NCS1: variants seen among roughly 807,000 people sequenced by gnomAD.
NCS1 encodes the protein neuronal calcium sensor 1, also known as frequenin homolog.
In NCS1, 6 loss-of-function variants were observed where a neutral mutation model predicts 28.4. The ratio of observed to expected loss-of-function variants is 0.21; its 90% CI spans 0.12 to 0.42. The LOEUF is 0.42. Among genes scored for constraint, NCS1 ranks in the 10% least tolerant of loss-of-function variants. NCS1 has a pLI of 1.00. For synonymous variants in NCS1, 86 were observed against 99.3 expected (o/e 0.87, Z 0.79); for missense variants, 131 against 241.4 (o/e 0.54, Z 3.03).
intron 2 of NCS1, among the ~76,000 whole-genome samples, chr9:130,203,256 A>G (rs1832982451): frequency 6.6e-6 from 1 of 151,704 alleles, no homozygotes; most frequent in Non-Finnish European, 1.5e-5. Context: ...AGTAGCTGGA[A>G]CTACAGACAT....
In NCS1 at chr9:130,219,924, G is replaced by T; in HGVS notation, c.307+121G>T. The stretch of plus-strand genomic sequence containing the variant: ...ACCCACTGCAGTGACCACAGATGGC[G>T]TCCCAGCTGTGTCTGCAGAGGGCAG... On this transcript the variant is annotated intron_variant, in intron 4 of 7. Transcript: ENST00000372398. The surrounding 1 kb of genome is among the most constrained non-coding windows in gnomAD (Gnocchi z 5.7). 1 of 1,065,208 alleles carries T rather than the reference G, an allele frequency of 9.4e-7. No individual in the cohort carries two copies. The highest frequency in any genetic ancestry group is 1.4e-6 in the Non-Finnish European group (1 of 704,052). 66.0% of individuals were successfully genotyped at this position (1,065,208 alleles called of 1,614,324 possible).
At chr9:130,174,033 G>A (rs1832528380) in intron 1 of NCS1, among the ~76,000 whole-genome samples, 1 of 152,200 alleles carries the variant, frequency 6.6e-6, no homozygotes, top group Admixed American at 6.5e-5. Context: ...TACCTGGAAG[G>A]GGTGAAGCCC....
rs116192190 is a variant in NCS1 at position 130,191,167 on chromosome 9, C to T, written c.65-9791C>T. Among the ~76,000 whole-genome samples the T allele has an allele frequency of 1.0e-2, 1,520 of 152,276 alleles. 28 individuals are homozygous for T. Among genetic ancestry groups the T allele is most frequent in the African/African-American group, 0.035 (1,435 of 41,548 alleles). On this transcript the variant is annotated intron_variant, in intron 1 of 7. Transcript: ENST00000372398. The surrounding 1 kb of genome is among the most constrained non-coding windows in gnomAD (Gnocchi z 6.4). Reference sequence around the variant, plus strand: ...GAGCACGCTGACCCAGGCCACGTGGCGACTGGATAGTTGGTAGACCCATCT... The same window carrying T: ...GAGCACGCTGACCCAGGCCACGTGGTGACTGGATAGTTGGTAGACCCATCT...
Position 130,175,414 on chromosome 9 carries a change from A to G in NCS1, c.64+2687A>G, listed in dbSNP as rs370498431. Among the ~76,000 whole-genome samples the G allele has an allele frequency of 2.0e-5, 3 of 152,210 alleles. No homozygotes were observed. In the East Asian group the frequency reaches 5.8e-4, roughly 29 times the overall value. Reference sequence around the variant, plus strand: ...CTGGTTGATTAATAAACATGAAGGTACCTGGGCTGCCCTCCCGGATTTCCG... The same window carrying G: ...CTGGTTGATTAATAAACATGAAGGTGCCTGGGCTGCCCTCCCGGATTTCCG... On this transcript the variant is annotated intron_variant, in intron 1 of 7. Coordinates refer to ENST00000372398, the MANE Select transcript of NCS1 (RefSeq NM_014286.4). This position sits in a 1 kb window ranked among gnomAD's most constrained non-coding sequence, Gnocchi z 4.9.
Position 130,217,847 on chromosome 9 carries a change from C to T in NCS1, c.105C>T (p.Ile35=), listed in dbSNP as rs782237951. 1.2e-6 allele frequency: 2 copies of T among 1,614,086 alleles called. No homozygotes were observed. Among genetic ancestry groups the T allele is most frequent in the Non-Finnish European group, 1.7e-6 (2 of 1,180,034 alleles). Residue 35 remains isoleucine, a synonymous_variant, in exon 3 of 8, where the codon ATC becomes ATT. Coordinates refer to ENST00000372398, the MANE Select transcript of NCS1 (RefSeq NM_014286.4). ...KEVQQWYKGF[I]KDCPSGQLDA... Reference sequence around the variant, plus strand: ...CTGCCTCCAGGTACAAAGGCTTCATCAAGGACTGCCCCAGTGGGCAGCTGG... The same window carrying T: ...CTGCCTCCAGGTACAAAGGCTTCATTAAGGACTGCCCCAGTGGGCAGCTGG...
At chr9:130,212,233 C>A (rs2131145456) in intron 2 of NCS1, among the ~76,000 whole-genome samples, 1 of 152,250 alleles carries the variant, frequency 6.6e-6, no homozygotes, top group East Asian at 1.9e-4. Flanking sequence ...ATCACAGATG[C>A]TTATGGCGGA....
Position 130,227,316 on chromosome 9 carries a change from G to A in NCS1, c.*17+812G>A, listed in dbSNP as rs78556091. On this transcript the variant is annotated intron_variant, in intron 7 of 7. Transcript: ENST00000372398. Reference sequence around the variant, plus strand: ...CTTTGTGGAGTGTTCAATGTAGTCTGCGGGGAGTGGGTGTGAATAACGTCC... The same window carrying A: ...CTTTGTGGAGTGTTCAATGTAGTCTACGGGGAGTGGGTGTGAATAACGTCC... Among the ~76,000 whole-genome samples the A allele has an allele frequency of 7.2e-3, 1,096 of 152,308 alleles. 9 individuals are homozygous for A. The highest frequency in any genetic ancestry group is 0.012 in the Non-Finnish European group (823 of 68,026).
chr9:130,229,371 C>A (rs570944669), intron 7 of NCS1, among the ~76,000 whole-genome samples: 1 of 151,884 alleles, frequency 6.6e-6, no homozygotes, highest in Admixed American at 6.6e-5. Context: ...TCTCATGCCT[C>A]AGCCTCCCAA....
chr9:130,205,749 G>T (rs532641999), intron 2 of NCS1, among the ~76,000 whole-genome samples: 2 of 151,514 alleles, frequency 1.3e-5, no homozygotes, highest in African/African-American at 4.9e-5. Flanking sequence ...TGGGAAGATC[G>T]CTTGGGCCCC....
At chr9:130,217,014 G>T (rs1298156448) in intron 2 of NCS1, among the ~76,000 whole-genome samples, 1 of 152,104 alleles carries the variant, frequency 6.6e-6, no homozygotes, top group East Asian at 1.9e-4. Context: ...TCACACTCTC[G>T]ACTCATTTTT....
chr9:130,195,034 T>C (rs1832861513), intron 1 of NCS1, among the ~76,000 whole-genome samples: 1 of 152,198 alleles, frequency 6.6e-6, no homozygotes, highest in African/African-American at 2.4e-5. Flanking sequence ...GCAGGCTTAG[T>C]GTCCAGCTAG....
At chr9:130,224,646 C>T (rs1247205430) in intron 6 of NCS1, among the ~76,000 whole-genome samples, 1 of 151,950 alleles carries the variant, frequency 6.6e-6, no homozygotes, top group Non-Finnish European at 1.5e-5. Flanking sequence ...CGAAACCCAC[C>T]TATTATCAGG....
chr9:130,221,441 G>GAGAGAGAGAGAA (rs1554910440), intron 4 of NCS1, among the ~76,000 whole-genome samples: 4 of 135,404 alleles, frequency 3.0e-5, no homozygotes, highest in Non-Finnish European at 4.8e-5. Flanking sequence ...GAGAGAGAGA[G>GAGAGAGAGAGAA]AGAGAGAGAG....
Position 130,185,350 on chromosome 9 carries a change from C to T in NCS1, c.64+12623C>T, listed in dbSNP as rs138771723. Among the ~76,000 whole-genome samples the T allele has an allele frequency of 9.2e-4, 140 of 152,396 alleles. 1 individual carries two copies. Among genetic ancestry groups the T allele is most frequent in the African/African-American group, 3.0e-3 (124 of 41,594 alleles). ...GAAAACAAGTACATAAACGAGCAAG[C>T]CAATGAATGAACGAAGTTCCTTCTT... On this transcript the variant is annotated intron_variant, in intron 1 of 7. Transcript: ENST00000372398.
intron 1 of NCS1, among the ~76,000 whole-genome samples, chr9:130,197,775 C>CA (rs1372185193): frequency 1.1e-4 from 16 of 152,224 alleles, no homozygotes; most frequent in Admixed American, 1.0e-3. Context: ...CCAGCCTGGC[C>CA]AACATGTGAA....
intron 4 of NCS1, among the ~76,000 whole-genome samples, chr9:130,220,621 G>C (rs561091790): frequency 1.2e-4 from 19 of 152,138 alleles, no homozygotes; most frequent in Admixed American, 4.6e-4. Flanking sequence ...GGCATTAGGA[G>C]GAATGCAGGG....
At chr9:130,189,879 A>AAAAAAAAATATATATATATAT (rs1554906056) in intron 1 of NCS1, among the ~76,000 whole-genome samples, 1 of 37,750 alleles carries the variant, frequency 2.6e-5, no homozygotes, top group African/African-American at 1.2e-4. Flanking sequence ...AAAAAAAAAA[A>AAAAAAAAATATATATATATAT]ATATATATAT....
In NCS1 at chr9:130,172,643, C is replaced by T; in HGVS notation, c.-21C>T. 1.4e-6 allele frequency: 2 copies of T among 1,427,362 alleles called. No individual in the cohort carries two copies. The highest frequency in any genetic ancestry group is 1.3e-5 in the South Asian group (1 of 76,988). The allele number at this position is 1,427,362 out of a possible 1,614,324, so 88.4% of individuals were successfully genotyped here. On this transcript the variant is annotated 5_prime_UTR_variant, in exon 1 of 8. Coordinates refer to ENST00000372398, the MANE Select transcript of NCS1 (RefSeq NM_014286.4). Reference sequence around the variant, plus strand: ...CCCAACCGGGTCCGGCCCGGGGGGGCGGGGGCCGCGGCCGCCGAGGATGGG... The same window carrying T: ...CCCAACCGGGTCCGGCCCGGGGGGGTGGGGGCCGCGGCCGCCGAGGATGGG...
Position 130,180,048 on chromosome 9 carries a change from TATCG to T in NCS1, c.64+7323_64+7326del. Among the ~76,000 whole-genome samples the T allele has an allele frequency of 7.3e-6, 1 of 136,690 alleles. No individual in the cohort carries two copies. The highest frequency in any genetic ancestry group is 2.7e-5 in the African/African-American group (1 of 36,522). The allele number at this position is 136,690 out of a possible 152,430, so 89.7% of individuals were successfully genotyped here. A position where few individuals can be genotyped will look rare whatever the true frequency, so the allele number is the denominator to read the frequency against. ...CTATCTATCTATCTATCTATCTATCTATCGAGATGGAATCTCACTTCCGTCACCC... is the reference window on the plus strand; with the variant it reads ...CTATCTATCTATCTATCTATCTATCTAGATGGAATCTCACTTCCGTCACCC... On this transcript the variant is annotated intron_variant, in intron 1 of 7. Transcript: ENST00000372398. This position sits in a 1 kb window ranked among gnomAD's most constrained non-coding sequence, Gnocchi z 4.5.
Sources: allele counts gnomAD v4.1 joint callset (sites outside exome capture counted in the v4.1 genomes callset), GRCh38; gene constraint gnomAD v4.1.1; non-coding constraint Gnocchi (gnomAD v3.1); transcripts MANE v1.5; gene names NCBI Gene and HGNC (gene_info 2026-07-23, HGNC 2026-07-21).